RGS5: variants seen among roughly 807,000 people sequenced by gnomAD.
RGS5 encodes regulator of G-protein signalling 5.
Under a neutral mutation model 18.9 loss-of-function variants are expected in RGS5, and 20 were observed. That is an observed-to-expected ratio of 1.06 (90% confidence interval 0.74 to 1.54). The LOEUF (loss-of-function observed/expected upper bound fraction) is 1.54, where lower values mean the gene tolerates loss of function less well. Ranked by LOEUF, RGS5 falls within the 40% of genes most tolerant of loss-of-function variation. The pLI is 0.00. For missense variants in RGS5, 201 were observed against 211.8 expected, an observed-to-expected ratio of 0.95 and a Z score of 0.32; for synonymous variants, 57 against 76.2, an observed-to-expected ratio of 0.75 and a Z score of 1.31.
chr1:163,179,066 G>A (rs1257079873), intron 1 of RGS5, among the ~76,000 whole-genome samples: 2 of 152,224 alleles, frequency 1.3e-5, no homozygotes, highest in East Asian at 3.8e-4. Flanking sequence ...CTGGAAGCTT[G>A]TAAAGCAAAT....
rs536728774 is a variant in RGS5 at position 163,312,838 on chromosome 1, A to G, written c.-377-6509T>C. ...TGAAAACACAGGGTCTGACAAGTGCATGTATTCAATGAATTCTGGTTGATG... is the reference window on the plus strand; with the variant it reads ...TGAAAACACAGGGTCTGACAAGTGCGTGTATTCAATGAATTCTGGTTGATG... On this transcript the variant is annotated intron_variant, in intron 1 of 5. Coordinates refer to the RGS5 transcript ENST00000618415. 1.5e-4 allele frequency among the ~76,000 whole-genome samples: 23 copies of G among 152,346 alleles called. 1 individual carries two copies. In the South Asian group the frequency reaches 4.8e-3, roughly 32 times the overall value.
intron 2 of RGS5, among the ~76,000 whole-genome samples, chr1:163,222,991 T>C (rs576008260): frequency 2.6e-5 from 4 of 152,212 alleles, no homozygotes; most frequent in South Asian, 4.2e-4. Context: ...ATTACAGACG[T>C]GCACCACCAC....
At chr1:163,149,141 T>G (rs1657272416) in intron 4 of RGS5, among the ~76,000 whole-genome samples, 1 of 152,228 alleles carries the variant, frequency 6.6e-6, no homozygotes. Context: ...TATGCAGGCC[T>G]GTTGGAAGAT....
At position 163,144,720 on chromosome 1, in the gene RGS5, C is replaced by A. The variant is rs1657062995; in HGVS notation, c.*2622G>T. 1 of 152,462 alleles carries A rather than the reference C, an allele frequency of 6.6e-6. No homozygotes were observed. The highest frequency in any genetic ancestry group is 1.5e-5 in the Non-Finnish European group (1 of 68,012). The allele number at this position is 152,462 out of a possible 1,614,324, so 9.4% of individuals were successfully genotyped here. A position where few individuals can be genotyped will look rare whatever the true frequency, so the allele number is the denominator to read the frequency against. On this transcript the variant is annotated 3_prime_UTR_variant, in exon 5 of 5. Transcript: ENST00000313961. ...GATCACCCCACTTTTTCTAATTTCC[C>A]AGAATTAAAAGAATGTATTTTATCT...
chr1:163,272,425 A>T (rs1272841804), intron 2 of RGS5, among the ~76,000 whole-genome samples: 1 of 152,128 alleles, frequency 6.6e-6, no homozygotes. Flanking sequence ...AATAAAATTC[A>T]CTAATTTTTT....
At position 163,275,297 on chromosome 1, in the gene RGS5, A is replaced by G. The variant is rs1178992503; in HGVS notation, c.-281+30936T>C. ...CTCTGATCAACCTAGGACATTCAATAAATCTTCTTAGTGCCCCCAGGTTTA... is the reference window on the plus strand; with the variant it reads ...CTCTGATCAACCTAGGACATTCAATGAATCTTCTTAGTGCCCCCAGGTTTA... On this transcript the variant is annotated intron_variant, in intron 2 of 5. Coordinates refer to the RGS5 transcript ENST00000618415. Among the ~76,000 whole-genome samples, 333 of 152,256 alleles carry G rather than the reference A, an allele frequency of 2.2e-3. 1 individual carries two copies. Among genetic ancestry groups the G allele is most frequent in the African/African-American group, 7.9e-3 (327 of 41,560 alleles).
intron 1 of RGS5, among the ~76,000 whole-genome samples, chr1:163,210,080 G>A (rs1660067495): frequency 6.6e-6 from 1 of 151,542 alleles, no homozygotes; most frequent in East Asian, 1.9e-4. Context: ...ACCTCTGCTT[G>A]TTAGGCTCAA....
chr1:163,285,818 G>A (rs55981624), intron 2 of RGS5, among the ~76,000 whole-genome samples: 16,893 of 151,808 alleles, frequency 0.11, 1,253 homozygotes, highest in South Asian at 0.21. Context: ...TATGAAGACC[G>A]TGCCTACTTC....
At chr1:163,208,596 C>A (rs1660020436) in intron 1 of RGS5, among the ~76,000 whole-genome samples, 2 of 71,152 alleles carry the variant, frequency 2.8e-5, no homozygotes, top group East Asian at 4.6e-4. Context: ...ATACCTAAAA[C>A]AAAGTTATTT....
rs1254381855 is a variant in RGS5 at position 163,155,998 on chromosome 1, T to C, written c.218-3282A>G. On this transcript the variant is annotated intron_variant, in intron 3 of 4. Coordinates refer to ENST00000313961, the MANE Select transcript of RGS5 (RefSeq NM_003617.4). ...CAGCCAGCCCTACCTAAGAACAAGA[T>C]GAAAACACCTATAAAATCACTTTGA... Among the ~76,000 whole-genome samples, 3 of 152,100 alleles carry C rather than the reference T, an allele frequency of 2.0e-5. No individual in the cohort carries two copies. In the South Asian group the frequency reaches 6.2e-4, roughly 32 times the overall value.
intron 2 of RGS5, among the ~76,000 whole-genome samples, chr1:163,298,107 TA>T (rs5778322): frequency 0.15 from 22,214 of 152,032 alleles, 1,929 homozygotes; most frequent in Non-Finnish European, 0.19. Flanking sequence ...ATTTGAACAC[TA>T]ACAATACACA....
chr1:163,242,468 C>T (rs1207261552), intron 2 of RGS5, among the ~76,000 whole-genome samples: 1 of 152,166 alleles, frequency 6.6e-6, no homozygotes, highest in Admixed American at 6.5e-5. Context: ...TAGAAGCATA[C>T]ACAAATGAGT....
chr1:163,228,096 G>T (rs1313046778), intron 2 of RGS5, among the ~76,000 whole-genome samples: 1 of 152,160 alleles, frequency 6.6e-6, no homozygotes, highest in African/African-American at 2.4e-5. Flanking sequence ...TACCATTCTG[G>T]GGTCTGGGAT....
intron 3 of RGS5, among the ~76,000 whole-genome samples, chr1:163,159,150 C>T (rs1458922056): frequency 1.3e-5 from 2 of 152,106 alleles, no homozygotes; most frequent in Non-Finnish European, 2.9e-5. Context: ...TTTCAAGGTA[C>T]CCAGATTTCA....
chr1:163,179,548 T>C (rs1013586262), intron 1 of RGS5, among the ~76,000 whole-genome samples: 2 of 152,028 alleles, frequency 1.3e-5, no homozygotes, highest in East Asian at 1.9e-4. Context: ...CAATTGGAAA[T>C]AGAGAAAAAC....
intron 2 of RGS5, among the ~76,000 whole-genome samples, chr1:163,277,583 T>C (rs566009664): frequency 3.0e-4 from 45 of 152,146 alleles, no homozygotes; most frequent in Non-Finnish European, 5.7e-4. Context: ...AACTGGGTGA[T>C]TTTTATAAAT....
At chr1:163,148,149 A>G (rs1461551292) in intron 4 of RGS5, among the ~76,000 whole-genome samples, 1 of 151,030 alleles carries the variant, frequency 6.6e-6, no homozygotes, top group Non-Finnish European at 1.5e-5. Flanking sequence ...CTGGTCTCGA[A>G]CTCCTGACCT....
At chr1:163,235,461 C>T (rs763461414) in intron 2 of RGS5, among the ~76,000 whole-genome samples, 6 of 152,194 alleles carry the variant, frequency 3.9e-5, no homozygotes, top group Non-Finnish European at 8.8e-5. Context: ...CCTCCAGCCA[C>T]GGACATGTTG....
intron 1 of RGS5, among the ~76,000 whole-genome samples, chr1:163,185,138 A>G (rs891058276): frequency 6.6e-6 from 1 of 151,994 alleles, no homozygotes; most frequent in Non-Finnish European, 1.5e-5. Flanking sequence ...ATTTGTTCCA[A>G]TATTGCTCCT....
Sources: allele counts gnomAD v4.1 joint callset (sites outside exome capture counted in the v4.1 genomes callset), GRCh38; gene constraint gnomAD v4.1.1; transcripts MANE v1.5; gene names NCBI Gene and HGNC (gene_info 2026-07-23, HGNC 2026-07-21).